TECRL: variants seen among roughly 807,000 people sequenced by gnomAD.
TECRL encodes the protein trans-2,3-enoyl-CoA reductase-like.
TECRL carries 63 observed loss-of-function variants against 52.8 expected under a neutral mutation model. That is an observed-to-expected ratio of 1.19 (90% CI 0.97 to 1.47). The LOEUF (loss-of-function observed/expected upper bound fraction) is 1.47. Ranked by LOEUF, TECRL falls within the 40% of genes most tolerant of loss-of-function variation. The pLI, the probability that TECRL is intolerant of heterozygous loss-of-function variation, is 0.00. For missense variants in TECRL, 482 were observed against 429.6 expected, an observed-to-expected ratio of 1.12 and a Z score of -1.08; for synonymous variants, 164 against 141.9, an observed-to-expected ratio of 1.16 and a Z score of -1.10.
chr4:64,394,271 G>A (rs1389121532), intron 1 of TECRL, among the ~76,000 whole-genome samples: 1 of 152,136 alleles, frequency 6.6e-6, no homozygotes, highest in African/African-American at 2.4e-5. Context: ...AGGTAGCGTA[G>A]CCTATGCTCC....
intron 2 of TECRL, among the ~76,000 whole-genome samples, chr4:64,331,623 G>T (rs988448728): frequency 7.2e-5 from 11 of 151,894 alleles, no homozygotes; most frequent in Admixed American, 2.0e-4. Flanking sequence ...TTAAAATAAA[G>T]AATCAAAAAT....
At chr4:64,306,824 T>C (rs554986317) in intron 6 of TECRL, among the ~76,000 whole-genome samples, 5 of 152,288 alleles carry the variant, frequency 3.3e-5, no homozygotes, top group Non-Finnish European at 5.9e-5. Flanking sequence ...AATTTTCTTC[T>C]CCTAGGAGGC....
intron 1 of TECRL, among the ~76,000 whole-genome samples, chr4:64,382,404 G>A (rs1413821821): frequency 1.3e-5 from 2 of 148,928 alleles, no homozygotes; most frequent in African/African-American, 4.9e-5. Context: ...GGTGTTTGTT[G>A]TTAGTGTATA....
chr4:64,359,151 G>A (rs1384371377), intron 2 of TECRL, among the ~76,000 whole-genome samples: 1 of 151,810 alleles, frequency 6.6e-6, no homozygotes, highest in Non-Finnish European at 1.5e-5. Context: ...CACTAATCCT[G>A]TTAATGCATG....
chr4:64,331,040 A>G (rs969723421), intron 2 of TECRL, among the ~76,000 whole-genome samples: 4 of 152,258 alleles, frequency 2.6e-5, no homozygotes, highest in South Asian at 2.1e-4. Context: ...TGGGGTTTAC[A>G]CAATTTCTTT....
At chr4:64,396,953 C>T (rs987749360) in intron 1 of TECRL, among the ~76,000 whole-genome samples, 6 of 152,088 alleles carry the variant, frequency 3.9e-5, no homozygotes, top group Admixed American at 3.9e-4. Context: ...TGTTGAAGAT[C>T]ATCACACTAT....
chr4:64,319,897 A>G (rs1436422596), intron 4 of TECRL, among the ~76,000 whole-genome samples: 1 of 151,920 alleles, frequency 6.6e-6, no homozygotes, highest in African/African-American at 2.4e-5. Flanking sequence ...CACATGACAA[A>G]AATATGGAGA....
At chr4:64,341,975 C>T (rs1366681736) in intron 2 of TECRL, among the ~76,000 whole-genome samples, 1 of 152,152 alleles carries the variant, frequency 6.6e-6, no homozygotes, top group African/African-American at 2.4e-5. Context: ...TTCAGTTTCC[C>T]TTCGAGGTGT....
chr4:64,328,300 T>C (rs1400955136), intron 3 of TECRL, among the ~76,000 whole-genome samples: 1 of 152,050 alleles, frequency 6.6e-6, no homozygotes, highest in Non-Finnish European at 1.5e-5. Context: ...TTTCAGAATC[T>C]GCTTCTAAAA....
chr4:64,402,423 T>C (rs1433508333), intron 1 of TECRL, among the ~76,000 whole-genome samples: 1 of 152,072 alleles, frequency 6.6e-6, no homozygotes, highest in Non-Finnish European at 1.5e-5. Flanking sequence ...CTTTTAAACG[T>C]CTATGATAGC....
chr4:64,384,002 C>T (rs367715041), intron 1 of TECRL, among the ~76,000 whole-genome samples: 4 of 151,880 alleles, frequency 2.6e-5, no homozygotes, highest in Non-Finnish European at 2.9e-5. Flanking sequence ...AATCAGCATC[C>T]GTATTGTCTA....
chr4:64,329,947 G>T lies in TECRL; in HGVS notation c.287-1391C>A, dbSNP rs282244. ...TCTATTTTATAAGGGAAAACTGAGG[G>T]TTCTACTTTACTATTTTATTGTACT... is the stretch of plus-strand genomic sequence containing the variant. On this transcript the variant is annotated intron_variant, in intron 2 of 11. Coordinates refer to ENST00000381210, the MANE Select transcript of TECRL (RefSeq NM_001010874.5). Among the ~76,000 whole-genome samples the T allele has an allele frequency of 5.5e-3, 826 of 151,122 alleles. 8 individuals are homozygous for T. The highest frequency in any genetic ancestry group is 0.018 in the African/African-American group (751 of 41,400).
chr4:64,407,493 G>GTT (rs2060702803), intron 1 of TECRL, among the ~76,000 whole-genome samples: 1 of 151,750 alleles, frequency 6.6e-6, no homozygotes, highest in African/African-American at 2.4e-5. Flanking sequence ...GCATGTGTGT[G>GTT]TGTGTGTGTG....
chr4:64,302,052 T>G (rs2109978809), intron 7 of TECRL, among the ~76,000 whole-genome samples: 1 of 151,450 alleles, frequency 6.6e-6, no homozygotes, highest in East Asian at 1.9e-4. Flanking sequence ...GACATTTATA[T>G]ATTAAGATTT....
intron 3 of TECRL, among the ~76,000 whole-genome samples, chr4:64,327,714 G>GT (rs1560502495): frequency 6.6e-6 from 1 of 151,872 alleles, no homozygotes; most frequent in Non-Finnish European, 1.5e-5. Flanking sequence ...GAAAACACTC[G>GT]TAACAGTTTC....
chr4:64,325,915 G>T (rs1380619295), intron 3 of TECRL, among the ~76,000 whole-genome samples: 1 of 152,048 alleles, frequency 6.6e-6, no homozygotes, highest in Non-Finnish European at 1.5e-5. Context: ...TCAGACTCAA[G>T]AAAAAGGGAC....
intron 5 of TECRL, among the ~76,000 whole-genome samples, chr4:64,312,766 C>CAAAAAAA (rs5858874): frequency 2.1e-5 from 3 of 143,696 alleles, no homozygotes; most frequent in African/African-American, 7.7e-5. Context: ...GACCCTCTCT[C>CAAAAAAA]AAAAAAAAAA....
chr4:64,353,468 T>C (rs1294408945), intron 2 of TECRL, among the ~76,000 whole-genome samples: 1 of 152,164 alleles, frequency 6.6e-6, no homozygotes, highest in Non-Finnish European at 1.5e-5. Context: ...TGATTGCAGA[T>C]ATAGTATGGT....
At position 64,398,431 on chromosome 4, in the gene TECRL, G is replaced by A. The variant is rs112956238; in HGVS notation, c.234+10687C>T. 2.6e-3 allele frequency among the ~76,000 whole-genome samples: 397 copies of A among 152,210 alleles called. 3 individuals carry two copies. The highest frequency in any genetic ancestry group is 9.0e-3 in the African/African-American group (374 of 41,526). ...GTACTGTCCTCAAAAAAGTGAGTGAGTTCTCACAAGATCTGGTTGTTTAAA... is the reference window on the plus strand; with the variant it reads ...GTACTGTCCTCAAAAAAGTGAGTGAATTCTCACAAGATCTGGTTGTTTAAA... On this transcript the variant is annotated intron_variant, in intron 1 of 11. Coordinates refer to ENST00000381210, the MANE Select transcript of TECRL (RefSeq NM_001010874.5).
Sources: gnomAD v4.1 joint callset for allele counts (sites outside exome capture counted in the v4.1 genomes callset) on GRCh38, gnomAD v4.1.1 for gene constraint, MANE v1.5 for transcripts, NCBI Gene and HGNC (gene_info 2026-07-23, HGNC 2026-07-21) for gene names.